The following ACSS1 variants were observed in gnomAD, a reference collection of about 807,000 sequenced individuals.
ACSS1 encodes acyl-CoA synthetase short chain family member 1, also known as acetyl-coenzyme A synthetase 2-like, mitochondrial.
Under a neutral mutation model 75.3 loss-of-function variants are expected in ACSS1, and 42 were observed. That is an observed-to-expected ratio of 0.56 (90% CI 0.44 to 0.72). ACSS1 has a LOEUF of 0.72. Among genes scored for constraint, ACSS1 ranks in the 30% least tolerant of loss-of-function variants. The pLI is 0.00. For synonymous variants in ACSS1, 380 were observed against 376.8 expected, an observed-to-expected ratio of 1.01 and a Z score of -0.10; for missense variants, 782 against 935.7, an observed-to-expected ratio of 0.84 and a Z score of 2.14.
chr20:25,023,551 T>A lies in ACSS1; in HGVS notation c.722A>T (p.His241Leu). The A allele has an allele frequency of 6.2e-7, 1 of 1,614,152 alleles. No homozygotes were observed. The highest frequency in any genetic ancestry group is 8.5e-7 in the Non-Finnish European group (1 of 1,180,024). ...LKKIVDEAVKHCPTVQHVLVA... is the reference protein window; with the variant it reads ...LKKIVDEAVKLCPTVQHVLVA... ...CAGGACATGCTGCACGGTGGGGCAGTGCTTCACAGCCTCATCCACTATTTT... is the reference window on the plus strand; with the variant it reads ...CAGGACATGCTGCACGGTGGGGCAGAGCTTCACAGCCTCATCCACTATTTT... The change falls in exon 4 of 14, where the codon CAC becomes CTC. Residue 241 changes from histidine to leucine, a missense_variant. By Grantham distance (99) the His-to-Leu change is moderately conservative (BLOSUM62 -3). This residue lies in a region of ACSS1 where 377 missense variants were observed against 383.1 expected (regional missense o/e 0.98). Coordinates refer to ENST00000323482, the MANE Select transcript of ACSS1 (RefSeq NM_032501.4).
intron 2 of ACSS1, chr20:25,032,228 G>T: frequency 1.3e-6 from 1 of 758,558 alleles, no homozygotes; most frequent in Non-Finnish European, 1.8e-6. Context: ...CTATCACCAG[G>T]TTCACCCACC....
rs762928773 is a variant in ACSS1, at chr20:25,013,505, G to A, written c.1579+31C>T. ...TAAGATTCCAGCAGTCAGCTGAAAA[G>A]GAATGAGAGGGTCCCTGACAGCCTG... is the stretch of plus-strand genomic sequence containing the variant. On this transcript the variant is annotated intron_variant, in intron 10 of 13. Coordinates refer to ENST00000323482, the MANE Select transcript of ACSS1 (RefSeq NM_032501.4). 25 of 1,562,964 alleles carry A rather than the reference G, an allele frequency of 1.6e-5. 2 individuals carry two copies. In the South Asian group the frequency reaches 2.9e-4, roughly 18 times the overall value.
rs1407365111 is a variant in ACSS1 at position 25,030,811 on chromosome 20, T to C, written c.579A>G (p.Thr193=). The C allele has an allele frequency of 1.9e-6, 3 of 1,614,256 alleles. No individual in the cohort carries two copies. In the South Asian group the frequency reaches 3.3e-5, roughly 18 times the overall value. The part of the protein sequence containing the change: ...LACARIGAVH[T]VIFAGFSAES... ...CTGCACTGAAGCCAGCAAAGATGAC[T>C]GTGTGGACAGCTCCGATCCTGGCAC... Residue 193 remains threonine (T), a synonymous_variant, in exon 3 of 14, where the codon ACA becomes ACG. Transcript: ENST00000323482.
intron 2 of ACSS1, among the ~76,000 whole-genome samples, chr20:25,044,010 C>T (rs1158786813): frequency 8.5e-5 from 13 of 152,184 alleles, no homozygotes; most frequent in Admixed American, 8.5e-4. Flanking sequence ...TGCAGGCACC[C>T]CCAGCCTGGC....
intron 2 of ACSS1, chr20:25,046,074 CAT>C (rs1191055194): frequency 6.6e-6 from 1 of 152,132 alleles, no homozygotes. Flanking sequence ...TACAGGCGCA[CAT>C]CACCACACCC....
chr20:25,014,024 T>A lies in ACSS1; in HGVS notation c.1389A>T (p.Glu463Asp). The A allele has an allele frequency of 1.9e-6, 3 of 1,613,702 alleles. No homozygotes were observed. Among genetic ancestry groups the A allele is most frequent in the Non-Finnish European group, 1.7e-6 (2 of 1,179,866 alleles). The change falls in exon 9 of 14, where the codon GAA becomes GAT. Residue 463 changes from glutamate (E) to aspartate (D), a missense_variant. This residue lies in a region of ACSS1 where 405 missense variants were observed against 552.6 expected (regional missense o/e 0.73). Transcript: ENST00000323482. ...GCCTCATCGCCATGGCAGGGAGGAT[T>A]TCCGCCCCTTCTTCCGAGGGCCGTG... ...IAPRPSEEGA[E>D]ILPAMAMRPF...
chr20:25,038,906 C>G (rs1302085635), intron 2 of ACSS1, among the ~76,000 whole-genome samples: 3 of 152,138 alleles, frequency 2.0e-5, no homozygotes, highest in Non-Finnish European at 2.9e-5. Context: ...CTTCTCCAGC[C>G]ATGATTGCCT....
rs112715314 is a variant in ACSS1 at position 25,020,441 on chromosome 20, A to T, written c.1109-294T>A. Among the ~76,000 whole-genome samples the T allele has an allele frequency of 2.4e-4, 37 of 152,372 alleles. 1 individual carries two copies. Among genetic ancestry groups the T allele is most frequent in the African/African-American group, 8.9e-4 (37 of 41,590 alleles). On this transcript the variant is annotated intron_variant, in intron 6 of 13. Coordinates refer to ENST00000323482, the MANE Select transcript of ACSS1 (RefSeq NM_032501.4). ...CCTAGTTCAAGGTGATACTACGTGG[A>T]TTTAATAACCCATGGAGCATTAACA...
chr20:25,020,255 A>C, intron 6 of ACSS1, 108 bp from the exon 7 acceptor site: 1 of 1,464,556 alleles, frequency 6.8e-7, no homozygotes, highest in Non-Finnish European at 9.4e-7. Context: ...AGACGCGCAT[A>C]TGTCCATATG....
intron 3 of ACSS1, among the ~76,000 whole-genome samples, chr20:25,024,983 T>C (rs536801757): frequency 1.3e-5 from 2 of 152,210 alleles, no homozygotes; most frequent in African/African-American, 4.8e-5. Flanking sequence ...ACCAAGTCAG[T>C]TGGGTGGAGC....
intron 4 of ACSS1, 49 bp downstream of exon 4, chr20:25,023,417 C>T: frequency 6.2e-7 from 1 of 1,609,416 alleles, no homozygotes; most frequent in Non-Finnish European, 8.5e-7. Context: ...TCAGAGCCAG[C>T]TAACTTGATA....
chr20:25,026,699 C>T (rs2088725634), intron 3 of ACSS1, among the ~76,000 whole-genome samples: 1 of 152,200 alleles, frequency 6.6e-6, no homozygotes, highest in African/African-American at 2.4e-5. Flanking sequence ...TGTGACACAG[C>T]AATAGAAAAC....
At chr20:25,044,446 C>T (rs552360422) in intron 2 of ACSS1, among the ~76,000 whole-genome samples, 10 of 152,166 alleles carry the variant, frequency 6.6e-5, no homozygotes, top group Admixed American at 1.3e-4. Flanking sequence ...GGCAGCATAG[C>T]GAGACTCCAT....
chr20:25,019,067 A>C (rs1002147322), intron 7 of ACSS1, among the ~76,000 whole-genome samples: 1 of 152,214 alleles, frequency 6.6e-6, no homozygotes, highest in Non-Finnish European at 1.5e-5. Context: ...TAGTGGAATC[A>C]CATGTTCACT....
chr20:25,012,791 G>GA, intron 11 of ACSS1, 21 bp downstream of exon 11: 1 of 1,613,796 alleles, frequency 6.2e-7, no homozygotes, highest in Non-Finnish European at 8.5e-7. Context: ...GAGTGAAGGA[G>GA]GAGGCCCAGC....
At chr20:25,047,994 A>T in intron 2 of ACSS1, 91 bp downstream of exon 2, 2 of 1,155,878 alleles carry the variant, frequency 1.7e-6, no homozygotes, top group Non-Finnish European at 2.5e-6. Flanking sequence ...ACTCCCTGAG[A>T]CTCAGACGGC....
Position 25,020,143 on chromosome 20 carries a change from C to T in ACSS1, c.1113G>A (p.Arg371=), listed in dbSNP as rs937555620. The T allele has an allele frequency of 2.0e-5, 33 of 1,614,194 alleles. No individual in the cohort carries two copies. Among genetic ancestry groups the T allele is most frequent in the Non-Finnish European group, 2.8e-5 (33 of 1,179,996 alleles). The change falls in exon 7 of 14, where the codon CGG becomes CGA. Residue 371 remains arginine, a synonymous_variant. Transcript: ENST00000323482. ...TCAACCTCTCTACTGTCTCCCAGTA[C>T]CGACCTACAGAAAGGCCGAAATTCA... ...ESTPVYPNAG[R]YWETVERLKI... is the part of the protein sequence containing the mutation.
At chr20:25,022,814 G>A (rs1386490223) in intron 5 of ACSS1, 126 bp downstream of exon 5, 12 of 1,327,078 alleles carry the variant, frequency 9.0e-6, no homozygotes, top group Admixed American at 6.2e-5. Context: ...GCCCTGCCCC[G>A]AATAGGCCAG....
intron 7 of ACSS1, among the ~76,000 whole-genome samples, chr20:25,017,573 C>T (rs1476817898): frequency 1.3e-5 from 2 of 152,230 alleles, no homozygotes; most frequent in Non-Finnish European, 2.9e-5. Flanking sequence ...GCGGCTAGAA[C>T]CGGTTATGCA....
Sources: gnomAD v4.1 joint callset for allele counts (sites outside exome capture counted in the v4.1 genomes callset) on GRCh38, gnomAD v4.1.1 for gene constraint, gnomAD v4.1.1 regional missense constraint, MANE v1.5 for transcripts, NCBI Gene and HGNC (gene_info 2026-07-23, HGNC 2026-07-21) for gene names.